The following SHBG variants were observed in gnomAD, a reference collection of about 807,000 sequenced individuals.
SHBG encodes sex hormone binding globulin, also known as sex hormone-binding globulin.
Under a neutral mutation model 41.9 loss-of-function variants are expected in SHBG, and 37 were observed. That is an observed-to-expected ratio of 0.88 (90% CI 0.68 to 1.16). The LOEUF (loss-of-function observed/expected upper bound fraction) is 1.16, where lower values mean the gene tolerates loss of function less well. SHBG is among the 50% of genes most tolerant of loss of function. SHBG has a pLI of 0.00. For missense variants in SHBG, 466 were observed against 499.9 expected (o/e 0.93, Z 0.65); for synonymous variants, 217 against 205.8 (o/e 1.05, Z -0.47).
upstream of SHBG, chr17:7,627,761 C>A (rs749834998): frequency 3.0e-6 from 3 of 1,014,858 alleles, no homozygotes; most frequent in Non-Finnish European, 4.6e-6. The surrounding 1 kb of genome is among the most constrained non-coding windows in gnomAD (Gnocchi z 4.8). Flanking sequence ...TCGGGGGGGA[C>A]GGCGGGGTAG....
upstream of SHBG, chr17:7,629,960 G>C: frequency 1.6e-6 from 1 of 627,110 alleles, no homozygotes; most frequent in Non-Finnish European, 2.9e-6. Flanking sequence ...ATAGTGGAGG[G>C]GACTCTGTCC....
At position 7,630,986 on chromosome 17, in the gene SHBG, C is replaced by T; in HGVS notation, c.393+117C>T. 9.6e-7 allele frequency: 1 copy of T among 1,041,304 alleles called. No homozygotes were observed. The highest frequency in any genetic ancestry group is 1.4e-6 in the Non-Finnish European group (1 of 698,316). The allele number at this position is 1,041,304 out of a possible 1,614,324, so 64.5% of individuals were successfully genotyped here. ...GTCATCTCGTTTAATCCACACGAAC[C>T]CCCACAAAGTAGCTATTCTTGGCCC... is the stretch of plus-strand genomic sequence containing the variant. On this transcript the variant is annotated intron_variant, in intron 3 of 7. Transcript: ENST00000380450. This position sits in a 1 kb window ranked among gnomAD's most constrained non-coding sequence, Gnocchi z 4.6.
At chr17:7,619,074 G>A (rs977938171) in intron 1 of SHBG, among the ~76,000 whole-genome samples, 1 of 152,140 alleles carries the variant, frequency 6.6e-6, no homozygotes, top group Non-Finnish European at 1.5e-5. Flanking sequence ...TGGATCATAC[G>A]TGTATTCGTA....
Position 7,631,354 on chromosome 17 carries a change from G to A in SHBG, c.548G>A (p.Arg183Gln), listed in dbSNP as rs759318203. Residue 183 changes from arginine to glutamine, a missense_variant, in exon 4 of 8, where the codon CGG becomes CAG. Transcript: ENST00000380450. ...CTGCTCTTCCCCGCTTCCAACCTTCGGTTGCCGGTAACTACACCCCAGGGG... is the reference window on the plus strand; with the variant it reads ...CTGCTCTTCCCCGCTTCCAACCTTCAGTTGCCGGTAACTACACCCCAGGGG... ...GGLLFPASNL[R>Q]LPLVPALDGC... The A allele has an allele frequency of 1.6e-5, 25 of 1,612,876 alleles. No individual in the cohort carries two copies. The highest frequency in any genetic ancestry group is 6.7e-5 in the East Asian group (3 of 44,882).
upstream of SHBG, chr17:7,626,746 T>TCA (rs765254763): frequency 3.1e-6 from 5 of 1,614,134 alleles, no homozygotes; most frequent in African/African-American, 5.3e-5. Flanking sequence ...CCCACCCATC[T>TCA]CCTCACCTCA....
chr17:7,622,342 G>A (rs897757197), intron 1 of SHBG, among the ~76,000 whole-genome samples: 7 of 150,836 alleles, frequency 4.6e-5, no homozygotes, highest in African/African-American at 1.7e-4. Context: ...GCTCAATCTT[G>A]TCTCACTGCA....
chr17:7,623,323 G>A (rs1372720974), upstream of SHBG, among the ~76,000 whole-genome samples: 1 of 152,194 alleles, frequency 6.6e-6, no homozygotes, highest in East Asian at 1.9e-4. Flanking sequence ...CCCAGGAGGT[G>A]GAGGTTGCAG....
intron 1 of SHBG, chr17:7,614,551 G>A: frequency 6.9e-7 from 1 of 1,440,376 alleles, no homozygotes; most frequent in Non-Finnish European, 9.1e-7. Context: ...CACCGCCTCC[G>A]ACTCCCCCGG....
At chr17:7,628,570 G>A (rs1040232752), upstream of SHBG, among the ~76,000 whole-genome samples, 18 of 151,806 alleles carry the variant, frequency 1.2e-4, no homozygotes, top group Admixed American at 3.3e-4. Flanking sequence ...CCTCACCCTC[G>A]GAGTAGCTGG....
In SHBG at chr17:7,632,036, A is replaced by G. The variant is rs749145509; in HGVS notation, c.852+21A>G. 6.2e-6 allele frequency: 10 copies of G among 1,611,276 alleles called. No individual in the cohort carries two copies. In the South Asian group the frequency reaches 1.1e-4, roughly 18 times the overall value. Reference sequence around the variant, plus strand: ...ATCAAGTAAAGGGGGACAGTGGGGCATTGCCTGTATTCAGTGGAGCCTGGA... The same window carrying G: ...ATCAAGTAAAGGGGGACAGTGGGGCGTTGCCTGTATTCAGTGGAGCCTGGA... On this transcript the variant is annotated intron_variant, in intron 6 of 7. Transcript: ENST00000380450.
In SHBG at chr17:7,632,042, T is replaced by A. The variant is rs757090047; in HGVS notation, c.852+27T>A. On this transcript the variant is annotated intron_variant, in intron 6 of 7. Coordinates refer to ENST00000380450, the MANE Select transcript of SHBG (RefSeq NM_001040.5). ...TAAAGGGGGACAGTGGGGCATTGCC[T>A]GTATTCAGTGGAGCCTGGAGCAATG... 58 of 1,610,006 alleles carry A rather than the reference T, an allele frequency of 3.6e-5. No individual in the cohort carries two copies. The South Asian group carries it at 6.3e-4, about 17-fold the overall frequency.
At chr17:7,628,835 C>T (rs1036350231), upstream of SHBG, among the ~76,000 whole-genome samples, 5 of 151,902 alleles carry the variant, frequency 3.3e-5, no homozygotes, top group Non-Finnish European at 7.4e-5. Flanking sequence ...GCAGGCGGAT[C>T]ACCTGAGATC....
chr17:7,621,137 T>C (rs1017841106), intron 1 of SHBG, among the ~76,000 whole-genome samples: 1 of 99,302 alleles, frequency 1.0e-5, no homozygotes, highest in Non-Finnish European at 2.2e-5. Context: ...AGATTTGCAA[T>C]AGCCAGTTAG....
chr17:7,614,445 G>A (rs2071920537), intron 1 of SHBG: 2 of 1,531,756 alleles, frequency 1.3e-6, no homozygotes, highest in Non-Finnish European at 1.8e-6. Flanking sequence ...TCGGCGCGCC[G>A]TCTCACCTTG....
At chr17:7,628,473 T>G (rs1393083243), upstream of SHBG, among the ~76,000 whole-genome samples, 1 of 149,668 alleles carries the variant, frequency 6.7e-6, no homozygotes, top group East Asian at 2.0e-4. Context: ...TTTTAACGGA[T>G]TCTCACTCTG....
At chr17:7,614,638 A>T (rs2071928313) in intron 1 of SHBG, 1 of 581,620 alleles carries the variant, frequency 1.7e-6, no homozygotes, top group African/African-American at 2.0e-5. Context: ...CCGGAGGGGG[A>T]GCCGCGGGGG....
chr17:7,627,734 G>A (rs2072263801), upstream of SHBG: 3 of 1,404,510 alleles, frequency 2.1e-6, no homozygotes, highest in African/African-American at 4.3e-5. This position sits in a 1 kb window ranked among gnomAD's most constrained non-coding sequence, Gnocchi z 4.8. Flanking sequence ...GAGCCTGAGA[G>A]AGCGGGGTGG....
At chr17:7,632,673 C>T in intron 6 of SHBG, 79 bp from the exon 7 acceptor site, 1 of 1,102,474 alleles carries the variant, frequency 9.1e-7, no homozygotes, top group South Asian at 1.3e-5. Flanking sequence ...ATTAAGGCAG[C>T]TAGGGGTGAG....
chr17:7,623,318 G>C (rs1387098191), upstream of SHBG, among the ~76,000 whole-genome samples: 1 of 152,222 alleles, frequency 6.6e-6, no homozygotes. Flanking sequence ...TTGGACCCAG[G>C]AGGTGGAGGT....
Sources: allele counts gnomAD v4.1 joint callset (sites outside exome capture counted in the v4.1 genomes callset), GRCh38; gene constraint gnomAD v4.1.1; non-coding constraint Gnocchi (gnomAD v3.1); transcripts MANE v1.5; gene names NCBI Gene and HGNC (gene_info 2026-07-23, HGNC 2026-07-21).